Variants in RABEPK observed in about 807,000 individuals in gnomAD.
RABEPK encodes the protein Rab9 effector protein with kelch motifs, also known as 40 kDa Rab9 effector protein.
A neutral mutation model predicts 34.1 loss-of-function variants in RABEPK; 27 were observed. The ratio of observed to expected loss-of-function variants is 0.79; its 90% CI spans 0.58 to 1.09. The LOEUF is 1.09. RABEPK is among the 50% of genes least tolerant of loss of function. The pLI is 0.00. For synonymous variants in RABEPK, 172 were observed against 169.2 expected (o/e 1.02, Z -0.13); for missense variants, 449 against 462.6 (o/e 0.97, Z 0.27).
chr9:125,222,156 A>C (rs1831385180), intron 5 of RABEPK: 1 of 150,822 alleles, frequency 6.6e-6, no homozygotes, highest in Non-Finnish European at 1.5e-5. Context: ...TTCCCAAGCC[A>C]GAGTATTTGG....
chr9:125,213,299 C>G, intron 3 of RABEPK, 71 bp from the exon 4 acceptor site: 1 of 1,480,908 alleles, frequency 6.8e-7, no homozygotes, highest in Non-Finnish European at 9.2e-7. Flanking sequence ...TTCTCATGAC[C>G]CTCCTCAAGT....
Position 125,207,627 on chromosome 9 carries a change from A to AC in RABEPK, c.122dup (p.Val42SerfsTer3), listed in dbSNP as rs1337732641. On this transcript the variant is annotated frameshift_variant, in exon 3 of 8. Transcript: ENST00000373538. LOFTEE classifies it high-confidence loss of function. ...GAGTTGGCCACAGCTGTTCATATTT[A>AC]CCCCCAGTTGGTAATGCCAAGAGAG... 2.5e-6 allele frequency: 4 copies of AC among 1,613,908 alleles called. No individual in the cohort carries two copies. The highest frequency in any genetic ancestry group is 2.5e-6 in the Non-Finnish European group (3 of 1,179,982).
chr9:125,233,329 G>GTTT lies in RABEPK; in HGVS notation c.827-338_827-336dup, dbSNP rs1233648822. ...TTTTGGCTTTCACTATCTGGAAATT[G>GTTT]TTTTTTTTTTTTTTTTTTTTTTTGT... is the stretch of plus-strand genomic sequence containing the variant. On this transcript the variant is annotated intron_variant, in intron 7 of 7. Transcript: ENST00000373538. Among the ~76,000 whole-genome samples the GTTT allele has an allele frequency of 1.5e-3, 122 of 81,906 alleles. 4 individuals are homozygous for GTTT. The highest frequency in any genetic ancestry group is 2.9e-3 in the African/African-American group (55 of 18,770). The allele number at this position is 81,906 out of a possible 152,430, so 53.7% of individuals were successfully genotyped here. A position where few individuals can be genotyped will look rare whatever the true frequency, so the allele number is the denominator to read the frequency against.
At position 125,220,580 on chromosome 9, in the gene RABEPK, C is replaced by G. The variant is rs200820954; in HGVS notation, c.406C>G (p.Pro136Ala). ...CACGCCAGAAGTGACCAGCCCCCCA[C>G]CATCCCCAAGAACATTCCACACATC... ...WTTPEVTSPPPSPRTFHTSSA... is the reference protein window; with the variant it reads ...WTTPEVTSPPASPRTFHTSSA... Residue 136 changes from proline (P) to alanine (A), a missense_variant, in exon 5 of 8, where the codon CCA (proline) becomes GCA (alanine). Physicochemically the swap from Pro to Ala is conservative, Grantham distance 27 (BLOSUM62 -1). Transcript: ENST00000373538. The G allele has an allele frequency of 5.0e-5, 80 of 1,614,044 alleles. No homozygotes were observed. Among genetic ancestry groups the G allele is most frequent in the Non-Finnish European group, 6.4e-5 (76 of 1,180,016 alleles).
chr9:125,234,026 A>G lies in RABEPK; in HGVS notation c.*46A>G. On this transcript the variant is annotated 3_prime_UTR_variant, in exon 8 of 8. Coordinates refer to ENST00000373538, the MANE Select transcript of RABEPK (RefSeq NM_005833.4). ...CCTGTCAGTTACTTTCAGAATAGTT[A>G]AGTAAAACATTAGCTGTTTTATACC... The G allele has an allele frequency of 6.7e-7, 1 of 1,484,672 alleles. No individual in the cohort carries two copies. Among genetic ancestry groups the G allele is most frequent in the Non-Finnish European group, 9.2e-7 (1 of 1,083,894 alleles). 92.0% of individuals were successfully genotyped at this position (1,484,672 alleles called of 1,614,324 possible).
chr9:125,213,245 C>T, intron 3 of RABEPK, 125 bp from the exon 4 acceptor site: 1 of 977,620 alleles, frequency 1.0e-6, no homozygotes, highest in Non-Finnish European at 1.5e-6. Context: ...TGACAACATG[C>T]CCTTTAAGTG....
intron 4 of RABEPK, among the ~76,000 whole-genome samples, chr9:125,213,775 C>G (rs1195928096): frequency 6.6e-6 from 1 of 152,184 alleles, no homozygotes; most frequent in Non-Finnish European, 1.5e-5. Flanking sequence ...CTTCAGAGAA[C>G]AGCTATATCA....
At chr9:125,213,573 GCA>G (rs142997998) in intron 4 of RABEPK, 51 bp downstream of exon 4, 1,949 of 1,371,408 alleles carry the variant, frequency 1.4e-3, no homozygotes, top group Admixed American at 1.8e-3. Flanking sequence ...AAACTTTCAT[GCA>G]CACACACACA....
intron 5 of RABEPK, among the ~76,000 whole-genome samples, chr9:125,226,368 G>A (rs950119792): frequency 6.7e-6 from 1 of 149,698 alleles, no homozygotes; most frequent in Non-Finnish European, 1.5e-5. Flanking sequence ...ACATAGACAA[G>A]TAACTTGTCC....
Position 125,220,534 on chromosome 9 carries a change from C to T in RABEPK, c.365-5C>T, listed in dbSNP as rs1831250668. ...TTTTAAGTGCCTGCATTCTCTCTGG[C>T]CCAGAAACCAGGACGTGGACCACGC... On this transcript the variant is annotated splice_polypyrimidine_tract_variant and splice_region_variant and intron_variant, in intron 4 of 7. Transcript: ENST00000373538. 1 of 1,611,820 alleles carries T rather than the reference C, an allele frequency of 6.2e-7. No homozygotes were observed. The highest frequency in any genetic ancestry group is 8.5e-7 in the Non-Finnish European group (1 of 1,178,744).
intron 3 of RABEPK, among the ~76,000 whole-genome samples, chr9:125,211,160 C>T (rs372893629): frequency 7.2e-4 from 109 of 151,088 alleles, no homozygotes; most frequent in African/African-American, 2.6e-3. Context: ...TGGCATGAAC[C>T]CGGGAGGCAG....
chr9:125,225,312 G>A (rs1588397128), intron 5 of RABEPK, among the ~76,000 whole-genome samples: 1 of 151,972 alleles, frequency 6.6e-6, no homozygotes, highest in Non-Finnish European at 1.5e-5. Context: ...TTGAACCTGC[G>A]AGGCAGAGGT....
At chr9:125,213,669 T>C in intron 4 of RABEPK, 147 bp downstream of exon 4, 1 of 719,770 alleles carries the variant, frequency 1.4e-6, no homozygotes, top group Non-Finnish European at 2.2e-6. Flanking sequence ...AAAATAGGAA[T>C]TTTAACTTGT....
intron 3 of RABEPK, among the ~76,000 whole-genome samples, chr9:125,211,375 C>G (rs1181881173): frequency 6.6e-6 from 1 of 151,774 alleles, no homozygotes; most frequent in Non-Finnish European, 1.5e-5. Context: ...GTCTTGAACT[C>G]CTAACCTCAA....
At chr9:125,220,852 A>C in intron 5 of RABEPK, 152 bp downstream of exon 5, 1 of 1,054,650 alleles carries the variant, frequency 9.5e-7, no homozygotes, top group Non-Finnish European at 1.3e-6. Flanking sequence ...TCTTTTTCCC[A>C]CAGCAAAATT....
At chr9:125,233,314 C>A in intron 7 of RABEPK, among the ~76,000 whole-genome samples, 1 of 146,136 alleles carries the variant, frequency 6.8e-6, no homozygotes, top group Admixed American at 6.8e-5. Context: ...TTTTGGCTTT[C>A]ACTATCTGGA....
At chr9:125,230,538 A>ATT (rs35131281) in intron 6 of RABEPK, among the ~76,000 whole-genome samples, 71,436 of 137,416 alleles carry the variant, frequency 0.52, 18,590 homozygotes, top group Middle Eastern at 0.56. Flanking sequence ...GATGGAAACT[A>ATT]TTTTTTTTTT....
intron 7 of RABEPK, 62 bp downstream of exon 7, chr9:125,232,807 G>A: frequency 6.6e-7 from 1 of 1,520,990 alleles, no homozygotes; most frequent in Non-Finnish European, 8.9e-7. Flanking sequence ...ACGTGATGCG[G>A]TGGCTCACGC....
chr9:125,232,035 G>GT (rs1832220387), intron 6 of RABEPK, among the ~76,000 whole-genome samples: 2 of 151,424 alleles, frequency 1.3e-5, no homozygotes, highest in African/African-American at 4.8e-5. Context: ...GAGTAGCTGG[G>GT]ATTACAGGCA....
Sources: gnomAD v4.1 joint callset for allele counts (sites outside exome capture counted in the v4.1 genomes callset) on GRCh38, gnomAD v4.1.1 for gene constraint, MANE v1.5 for transcripts, NCBI Gene and HGNC (gene_info 2026-07-23, HGNC 2026-07-21) for gene names.